The following DEAF1 variants were observed in gnomAD, a reference collection of about 807,000 sequenced individuals.
The protein encoded by DEAF1 is deformed epidermal autoregulatory factor 1 homolog.
Under a neutral mutation model 58.9 loss-of-function variants are expected in DEAF1, and 53 were observed. The ratio of observed to expected loss-of-function variants is 0.90; its 90% CI spans 0.72 to 1.13. DEAF1 has a LOEUF of 1.13. Among genes scored for constraint, DEAF1 ranks in the 50% most tolerant of loss-of-function variants. The probability of loss-of-function intolerance (pLI) is 0.00; values close to 1 mark genes in which losing one functional copy is unlikely to be tolerated. For synonymous variants in DEAF1, 385 were observed against 340.4 expected (o/e 1.13, Z -1.44); for missense variants, 685 against 791.4 (o/e 0.87, Z 1.61).
chr11:699,932 T>TC (rs1350992417), upstream of DEAF1: 1 of 536,412 alleles, frequency 1.9e-6, no homozygotes, highest in Non-Finnish European at 3.3e-6. Flanking sequence ...TGGAGGGGGG[T>TC]CCCACAAAGG....
intron 1 of DEAF1, chr11:706,014 C>T (rs1392862747): frequency 2.0e-5 from 3 of 152,364 alleles, no homozygotes; most frequent in Admixed American, 6.5e-5. Flanking sequence ...AGGGCTGGGG[C>T]TGGAGCCCAG....
At chr11:685,082 CTTTTT>C (rs55670454) in intron 5 of DEAF1, 119 bp from the exon 6 acceptor site, 109 of 357,930 alleles carry the variant, frequency 3.0e-4, no homozygotes, top group Non-Finnish European at 4.0e-4. Flanking sequence ...TATAAAAATT[CTTTTT>C]TTTTTTTTTT....
intron 7 of DEAF1, chr11:680,186 G>A (rs1191219918): frequency 3.1e-6 from 1 of 324,172 alleles, no homozygotes; most frequent in Admixed American, 4.5e-5. Flanking sequence ...AAGCAGCCGT[G>A]TCCCACAGCA....
At chr11:666,833 G>A (rs1002612652) in intron 10 of DEAF1, among the ~76,000 whole-genome samples, 16 of 138,476 alleles carry the variant, frequency 1.2e-4, no homozygotes, top group African/African-American at 3.0e-4. Context: ...AGCTGAGATC[G>A]TGTCACTGCA....
intron 10 of DEAF1, among the ~76,000 whole-genome samples, chr11:660,465 G>T (rs966067634): frequency 6.6e-6 from 1 of 152,202 alleles, no homozygotes; most frequent in Non-Finnish European, 1.5e-5. Context: ...CGCCGGCGCC[G>T]CCTCACCCCG....
At position 644,517 on chromosome 11, in the gene DEAF1, G is replaced by A. The variant is rs766316048; in HGVS notation, c.*33C>T. 28 of 1,586,990 alleles carry A rather than the reference G, an allele frequency of 1.8e-5. 1 individual carries two copies. In the Admixed American group the frequency reaches 4.5e-4, roughly 26 times the overall value. Reference sequence around the variant, plus strand: ...CTGCAAAAGCCTCACAGGAGTGCGAGGGGCCCCAGCTCCCAGGGCGGCCGA... The same window carrying A: ...CTGCAAAAGCCTCACAGGAGTGCGAAGGGCCCCAGCTCCCAGGGCGGCCGA... On this transcript the variant is annotated 3_prime_UTR_variant, in exon 12 of 12. Transcript: ENST00000382409. This position sits in a 1 kb window ranked among gnomAD's most constrained non-coding sequence, Gnocchi z 4.3.
chr11:678,496 G>C, intron 9 of DEAF1, 198 bp downstream of exon 9: 1 of 722,756 alleles, frequency 1.4e-6, no homozygotes, highest in Non-Finnish European at 2.3e-6. Flanking sequence ...GCACACACAT[G>C]AATGGACGTG....
intron 7 of DEAF1, 22 bp downstream of exon 7, chr11:680,941 A>G: frequency 6.2e-7 from 1 of 1,614,034 alleles, no homozygotes; most frequent in South Asian, 1.1e-5. Context: ...AGTAAACTAG[A>G]GCTGTGTTTT....
chr11:684,839 C>A, intron 6 of DEAF1, 59 bp downstream of exon 6: 2 of 1,439,724 alleles, frequency 1.4e-6, no homozygotes, highest in South Asian at 2.4e-5. Context: ...GCTGTGGGAC[C>A]CACTCAGCCG....
At chr11:675,485 C>T (rs1020107014) in intron 9 of DEAF1, among the ~76,000 whole-genome samples, 8 of 152,072 alleles carry the variant, frequency 5.3e-5, no homozygotes, top group African/African-American at 1.2e-4. Context: ...GCCATGACTG[C>T]GCCACCGTCC....
intron 11 of DEAF1, among the ~76,000 whole-genome samples, chr11:647,414 C>G (rs374302192): frequency 6.6e-6 from 1 of 152,108 alleles, no homozygotes; most frequent in African/African-American, 2.4e-5. Context: ...AAGATCGCGC[C>G]GCTGCACTCC....
chr11:695,525 G>T, upstream of DEAF1: 1 of 1,063,370 alleles, frequency 9.4e-7, no homozygotes, highest in Non-Finnish European at 1.2e-6. Context: ...GCTTAGTGCC[G>T]CGGGTTTCGC....
intron 10 of DEAF1, among the ~76,000 whole-genome samples, chr11:670,797 A>G (rs1487205402): frequency 1.1e-5 from 1 of 87,490 alleles, no homozygotes; most frequent in Non-Finnish European, 2.1e-5. Flanking sequence ...TTTTTTTTTG[A>G]GACGAGGTCT....
chr11:684,083 T>C (rs1860483628), intron 6 of DEAF1, among the ~76,000 whole-genome samples: 1 of 152,060 alleles, frequency 6.6e-6, no homozygotes, highest in Non-Finnish European at 1.5e-5. Flanking sequence ...CTAGGATGTT[T>C]AGTGTTTCAC....
chr11:665,622 TA>T (rs1289443351), intron 10 of DEAF1, among the ~76,000 whole-genome samples: 1 of 152,166 alleles, frequency 6.6e-6, no homozygotes, highest in African/African-American at 2.4e-5. Context: ...AAATTACTAA[TA>T]AAATTCAAAG....
chr11:654,623 C>G (rs1858957938), intron 10 of DEAF1: 1 of 455,074 alleles, frequency 2.2e-6, no homozygotes, highest in Admixed American at 2.4e-5. Flanking sequence ...ACCTGTAATC[C>G]CAGGACTTTG....
At chr11:692,066 G>A (rs528615063) in intron 1 of DEAF1, among the ~76,000 whole-genome samples, 2 of 152,156 alleles carry the variant, frequency 1.3e-5, no homozygotes, top group South Asian at 2.1e-4. Context: ...GGCCACCATC[G>A]TCAGGTGACC....
chr11:658,352 C>A (rs1191361288), intron 10 of DEAF1, among the ~76,000 whole-genome samples: 1 of 152,174 alleles, frequency 6.6e-6, no homozygotes, highest in Non-Finnish European at 1.5e-5. Flanking sequence ...TGGCATGAAC[C>A]CAGGAGGTGG....
chr11:692,286 C>T (rs1564953863), intron 1 of DEAF1: 1 of 160,016 alleles, frequency 6.2e-6, no homozygotes, highest in African/African-American at 2.4e-5. Context: ...CTGCCCCTGT[C>T]ATCCCAGATA....
Sources: allele counts gnomAD v4.1 joint callset (sites outside exome capture counted in the v4.1 genomes callset), GRCh38; gene constraint gnomAD v4.1.1; non-coding constraint Gnocchi (gnomAD v3.1); transcripts MANE v1.5; gene names NCBI Gene and HGNC (gene_info 2026-07-23, HGNC 2026-07-21).